Variants in TENM3 observed in about 807,000 individuals in gnomAD.
The protein encoded by TENM3 is teneurin-3.
In TENM3, 63 loss-of-function variants were observed where a neutral mutation model predicts 255.1. The ratio of observed to expected loss-of-function variants is 0.25; its 90% confidence interval spans 0.20 to 0.30. TENM3 has a LOEUF of 0.30. Ranked by LOEUF, TENM3 falls within the 10% of genes least tolerant of loss-of-function variation. The pLI, the probability that TENM3 is intolerant of heterozygous loss-of-function variation, is 1.00. For synonymous variants in TENM3, 1,306 were observed against 1,322.3 expected (o/e 0.99, Z 0.27); for missense variants, 2,929 against 3,461.1 (o/e 0.85, Z 3.86).
chr4:182,718,895 A>G (rs1021935473), intron 13 of TENM3, among the ~76,000 whole-genome samples: 1 of 152,226 alleles, frequency 6.6e-6, no homozygotes, highest in African/African-American at 2.4e-5. Context: ...CCAAAAGGCA[A>G]TAGCTCGCCA....
the TENM3 span, among the ~76,000 whole-genome samples, chr4:182,092,952 A>G: frequency 2.0e-5 from 3 of 151,828 alleles, no homozygotes; most frequent in Admixed American, 2.0e-4. Flanking sequence ...AAGAATCCCC[A>G]CTCCTTGTCC....
the TENM3 span, among the ~76,000 whole-genome samples, chr4:181,964,085 A>C: frequency 3.9e-5 from 5 of 128,524 alleles, no homozygotes; most frequent in Admixed American, 7.6e-5. Flanking sequence ...TTTTTTTTTG[A>C]GGTCTCTCCC....
chr4:181,678,856 CAG>C, the TENM3 span, among the ~76,000 whole-genome samples: 1 of 132,546 alleles, frequency 7.5e-6, no homozygotes, highest in Non-Finnish European at 1.6e-5. Flanking sequence ...AAAAAAAAAA[CAG>C]AGAAAACATG....
intron 3 of TENM3, among the ~76,000 whole-genome samples, chr4:182,474,855 G>A (rs942944603): frequency 2.6e-5 from 4 of 151,956 alleles, no homozygotes; most frequent in Non-Finnish European, 5.9e-5. Flanking sequence ...CCTGGTTTAT[G>A]TGTGCCTCTA....
chr4:182,488,450 G>A (rs1734964231), intron 3 of TENM3, among the ~76,000 whole-genome samples: 1 of 148,368 alleles, frequency 6.7e-6, no homozygotes, highest in Admixed American at 6.8e-5. Flanking sequence ...GACTTGCTAA[G>A]TTATCTATAT....
intron 1 of TENM3, among the ~76,000 whole-genome samples, chr4:182,182,109 C>A (rs1752874848): frequency 6.6e-6 from 1 of 152,068 alleles, no homozygotes; most frequent in Non-Finnish European, 1.5e-5. Flanking sequence ...CAGTGTCCAA[C>A]TGGATGGTTG....
the TENM3 span, among the ~76,000 whole-genome samples, chr4:181,763,680 C>T: frequency 1.2e-4 from 18 of 152,176 alleles, no homozygotes; most frequent in Admixed American, 1.0e-3. Flanking sequence ...CCTTGCAAAG[C>T]CTAAAATATC....
chr4:182,487,038 A>G (rs1362364957), intron 3 of TENM3, among the ~76,000 whole-genome samples: 3 of 152,126 alleles, frequency 2.0e-5, no homozygotes, highest in African/African-American at 7.2e-5. Context: ...TCGGTATCAT[A>G]ACTTTGTTCT....
chr4:181,511,913 C>T, the TENM3 span, among the ~76,000 whole-genome samples: 2 of 152,096 alleles, frequency 1.3e-5, no homozygotes, highest in African/African-American at 4.8e-5. Context: ...TGGACTTGTA[C>T]TGAATATGGC....
intron 3 of TENM3, among the ~76,000 whole-genome samples, chr4:182,360,069 C>T (rs1291410871): frequency 3.3e-5 from 5 of 151,902 alleles, no homozygotes; most frequent in African/African-American, 7.3e-5. Context: ...AGTTTGATTG[C>T]ACTGTGGTCT....
At chr4:181,959,917 C>T in the TENM3 span, among the ~76,000 whole-genome samples, 2 of 152,132 alleles carry the variant, frequency 1.3e-5, no homozygotes, top group Admixed American at 6.5e-5. Context: ...GAGGCAGAAG[C>T]AACTAATGTT....
chr4:182,279,705 G>A (rs372253491), intron 1 of TENM3, among the ~76,000 whole-genome samples: 55 of 152,208 alleles, frequency 3.6e-4, no homozygotes, highest in Non-Finnish European at 5.3e-4. Context: ...TTGTTCTGTC[G>A]TTCATGGAGT....
intron 13 of TENM3, among the ~76,000 whole-genome samples, chr4:182,725,990 T>A (rs1760144331): frequency 6.6e-6 from 1 of 152,132 alleles, no homozygotes; most frequent in Non-Finnish European, 1.5e-5. Context: ...AAACATGCAG[T>A]TTCAAATGGT....
At chr4:182,616,820 G>A (rs534797814) in intron 4 of TENM3, among the ~76,000 whole-genome samples, 1 of 152,286 alleles carries the variant, frequency 6.6e-6, no homozygotes, top group African/African-American at 2.4e-5. Flanking sequence ...AGAATCAGTT[G>A]CCAGAAGGTA....
At chr4:182,190,727 G>A (rs1753465753) in intron 1 of TENM3, among the ~76,000 whole-genome samples, 2 of 151,848 alleles carry the variant, frequency 1.3e-5, no homozygotes, top group South Asian at 4.2e-4. Context: ...ACAATTAAGG[G>A]CAATTTATGA....
chr4:182,512,879 A>G (rs1434358808), intron 3 of TENM3, among the ~76,000 whole-genome samples: 1 of 152,212 alleles, frequency 6.6e-6, no homozygotes, highest in Non-Finnish European at 1.5e-5. Context: ...CTCCTTGAAG[A>G]TCAAAATAGT....
chr4:182,552,005 G>A (rs1212463458), intron 3 of TENM3, among the ~76,000 whole-genome samples: 3 of 146,468 alleles, frequency 2.0e-5, no homozygotes, highest in Admixed American at 6.9e-5. Context: ...CAGCCGGGGT[G>A]ACAGAGCAAG....
chr4:182,564,581 GT>G (rs34401330), intron 3 of TENM3, among the ~76,000 whole-genome samples: 66,844 of 137,208 alleles, frequency 0.49, 16,499 homozygotes, highest in Non-Finnish European at 0.59. Context: ...TTTTTGTTTT[GT>G]TTTTTTTTTT....
the TENM3 span, among the ~76,000 whole-genome samples, chr4:181,896,513 G>C: frequency 6.6e-6 from 1 of 152,168 alleles, no homozygotes; most frequent in African/African-American, 2.4e-5. Flanking sequence ...TCTTCATCCT[G>C]AAAGGTGACA....
Sources: allele counts gnomAD v4.1 joint callset (sites outside exome capture counted in the v4.1 genomes callset), GRCh38; gene constraint gnomAD v4.1.1; transcripts MANE v1.5; gene names NCBI Gene and HGNC (gene_info 2026-07-23, HGNC 2026-07-21).